Variants in AOPEP observed in about 807,000 individuals in gnomAD.
The protein encoded by AOPEP is aminopeptidase O.
Under a neutral mutation model 98.1 loss-of-function variants are expected in AOPEP, and 77 were observed. The observed-to-expected ratio is 0.78, with a 90% CI of 0.65 to 0.95. The LOEUF is 0.95. Ranked by LOEUF, AOPEP falls within the 40% of genes least tolerant of loss-of-function variation. The pLI, the probability that AOPEP is intolerant of heterozygous loss-of-function variation, is 0.00. For missense variants in AOPEP, 1,024 were observed against 1,024.7 expected (o/e 1.00, Z 0.01); for synonymous variants, 346 against 365.3 (o/e 0.95, Z 0.60).
the AOPEP span, among the ~76,000 whole-genome samples, chr9:95,107,984 C>T: frequency 6.6e-6 from 1 of 152,166 alleles, no homozygotes; most frequent in Non-Finnish European, 1.5e-5. Flanking sequence ...TACACCCAGT[C>T]GTGACTTGGA....
At chr9:94,833,238 T>TTTTC (rs1386301967) in intron 5 of AOPEP, among the ~76,000 whole-genome samples, 1 of 140,666 alleles carries the variant, frequency 7.1e-6, no homozygotes, top group Non-Finnish European at 1.5e-5. Context: ...ACCCGTCCTT[T>TTTTC]TTTTTTTTTT....
intron 13 of AOPEP, among the ~76,000 whole-genome samples, chr9:95,016,796 A>G (rs2063039647): frequency 6.7e-6 from 1 of 149,758 alleles, no homozygotes; most frequent in African/African-American, 2.5e-5. Context: ...TTTAAAAGAG[A>G]CAGGGTCTCT....
chr9:95,020,174 G>C (rs2063332681), intron 13 of AOPEP: 2 of 152,304 alleles, frequency 1.3e-5, no homozygotes, highest in Admixed American at 1.3e-4. Flanking sequence ...GCTTTTTCCA[G>C]CTGTCTGCCC....
chr9:95,072,529 A>T (rs188238833), intron 14 of AOPEP, among the ~76,000 whole-genome samples: 3 of 152,110 alleles, frequency 2.0e-5, no homozygotes, highest in African/African-American at 7.2e-5. Flanking sequence ...GCTACTGGGG[A>T]GGCTGAGGTG....
At chr9:94,772,759 C>T (rs1841171084) in intron 2 of AOPEP, among the ~76,000 whole-genome samples, 1 of 152,210 alleles carries the variant, frequency 6.6e-6, no homozygotes, top group African/African-American at 2.4e-5. Context: ...AAATATTTTT[C>T]TCCTTAAATA....
chr9:94,838,278 G>A (rs1289294152), intron 5 of AOPEP, among the ~76,000 whole-genome samples: 2 of 152,140 alleles, frequency 1.3e-5, no homozygotes, highest in Non-Finnish European at 2.9e-5. Context: ...CAAATTGGTG[G>A]GTTACAGGCG....
chr9:94,865,430 G>A (rs113023579), intron 5 of AOPEP, among the ~76,000 whole-genome samples: 4 of 152,122 alleles, frequency 2.6e-5, no homozygotes, highest in South Asian at 2.1e-4. Flanking sequence ...CACTTCAAAC[G>A]AACTGATTTC....
At chr9:94,727,806 T>C (rs1471819865) in intron 1 of AOPEP, among the ~76,000 whole-genome samples, 3 of 152,210 alleles carry the variant, frequency 2.0e-5, no homozygotes, top group Non-Finnish European at 4.4e-5. Flanking sequence ...GGTTAGGGTA[T>C]AATAATAGTT....
At chr9:94,762,420 C>T (rs1467237448) in intron 2 of AOPEP, among the ~76,000 whole-genome samples, 1 of 151,126 alleles carries the variant, frequency 6.6e-6, no homozygotes, top group African/African-American at 2.4e-5. Flanking sequence ...GCACTCCAGC[C>T]TGGGCGACAG....
chr9:95,033,379 C>T (rs1283814206), intron 13 of AOPEP, among the ~76,000 whole-genome samples: 1 of 152,130 alleles, frequency 6.6e-6, no homozygotes, highest in African/African-American at 2.4e-5. Flanking sequence ...GCAAAATGTA[C>T]TCATTCAGTT....
chr9:94,858,742 A>G (rs991516067), intron 5 of AOPEP, among the ~76,000 whole-genome samples: 1 of 151,980 alleles, frequency 6.6e-6, no homozygotes, highest in South Asian at 2.1e-4. Flanking sequence ...CATTAATGCT[A>G]TAAGTGCTTT....
At chr9:94,959,236 G>A (rs535327473) in intron 9 of AOPEP, among the ~76,000 whole-genome samples, 24 of 151,934 alleles carry the variant, frequency 1.6e-4, no homozygotes, top group African/African-American at 5.8e-4. Flanking sequence ...GTAGAGACAG[G>A]GTTTCACCAT....
intron 11 of AOPEP, among the ~76,000 whole-genome samples, chr9:94,992,773 C>A (rs2060979152): frequency 6.6e-6 from 1 of 152,176 alleles, no homozygotes; most frequent in Non-Finnish European, 1.5e-5. Context: ...CTGAGGCCTG[C>A]AATGCAGGTG....
chr9:94,764,412 C>T (rs1199636532), intron 2 of AOPEP, among the ~76,000 whole-genome samples: 7 of 152,104 alleles, frequency 4.6e-5, no homozygotes, highest in Non-Finnish European at 8.8e-5. Flanking sequence ...TTTGGGAGGC[C>T]GAGGTGGGCA....
intron 5 of AOPEP, among the ~76,000 whole-genome samples, chr9:94,843,889 G>A (rs1464370554): frequency 6.6e-6 from 1 of 151,822 alleles, no homozygotes; most frequent in Non-Finnish European, 1.5e-5. Context: ...TTAAGTTATT[G>A]CTATCTTTTT....
At chr9:95,033,620 TTA>T (rs2064519351) in intron 13 of AOPEP, among the ~76,000 whole-genome samples, 1 of 152,220 alleles carries the variant, frequency 6.6e-6, no homozygotes, top group African/African-American at 2.4e-5. Flanking sequence ...AGTAGGTTAA[TTA>T]TATGACGCTA....
At chr9:94,871,665 G>A (rs555440052) in intron 5 of AOPEP, among the ~76,000 whole-genome samples, 4 of 152,250 alleles carry the variant, frequency 2.6e-5, no homozygotes, top group Non-Finnish European at 4.4e-5. Flanking sequence ...TGGTACTGAA[G>A]TTTGGTTAAT....
At chr9:94,931,988 A>C (rs1473706717) in intron 7 of AOPEP, 3 of 1,180,184 alleles carry the variant, frequency 2.5e-6, no homozygotes, top group Non-Finnish European at 3.3e-6. Context: ...ATAAAGAACC[A>C]AGGCTCAGAA....
chr9:94,932,485 C>CTTTTTTTT, intron 7 of AOPEP: 1 of 144,526 alleles, frequency 6.9e-6, no homozygotes, highest in Non-Finnish European at 1.4e-5. Context: ...TTCTTTCTTT[C>CTTTTTTTT]TTTTTTTTTT....
Sources: gnomAD v4.1 joint callset for allele counts (sites outside exome capture counted in the v4.1 genomes callset) on GRCh38, gnomAD v4.1.1 for gene constraint, MANE v1.5 for transcripts, NCBI Gene and HGNC (gene_info 2026-07-23, HGNC 2026-07-21) for gene names.